SMIM8: variants seen among roughly 807,000 people sequenced by gnomAD.
The protein encoded by SMIM8 is UPF0708 protein C6orf162.
A neutral mutation model predicts 8.1 loss-of-function variants in SMIM8; 8 were observed. The ratio of observed to expected loss-of-function variants is 0.99; its 90% confidence interval spans 0.58 to 1.78. The LOEUF (loss-of-function observed/expected upper bound fraction) is 1.78, where lower values mean the gene tolerates loss of function less well. Among genes scored for constraint, SMIM8 ranks in the 40% most tolerant of loss-of-function variants. The pLI is 0.00. For missense variants in SMIM8, 126 were observed against 119.8 expected, an observed-to-expected ratio of 1.05 and a Z score of -0.24; for synonymous variants, 45 against 39.7, an observed-to-expected ratio of 1.13 and a Z score of -0.50.
At chr6:87,333,273 C>T (rs986208386) in intron 2 of SMIM8, among the ~76,000 whole-genome samples, 1 of 152,142 alleles carries the variant, frequency 6.6e-6, no homozygotes, top group Non-Finnish European at 1.5e-5. Flanking sequence ...CCCCACGCTC[C>T]CCGAGGAAGG....
intron 1 of SMIM8, among the ~76,000 whole-genome samples, chr6:87,329,544 G>C (rs1776940847): frequency 6.6e-6 from 1 of 152,166 alleles, no homozygotes. Flanking sequence ...ACCCGCTTCG[G>C]CCTCCCAGAG....
intron 1 of SMIM8, among the ~76,000 whole-genome samples, chr6:87,328,064 G>T (rs1776878547): frequency 1.3e-5 from 2 of 152,118 alleles, no homozygotes; most frequent in South Asian, 4.1e-4. Flanking sequence ...TGAGGCTTCT[G>T]CATTCTTCAC....
chr6:87,325,658 T>A (rs1270887793), intron 1 of SMIM8, among the ~76,000 whole-genome samples: 3 of 151,718 alleles, frequency 2.0e-5, no homozygotes, highest in African/African-American at 7.3e-5. Context: ...TGCTGCTGGA[T>A]TCCGTTTGCC....
intron 2 of SMIM8, 134 bp downstream of exon 2, chr6:87,330,846 A>G (rs1174636850): frequency 3.3e-5 from 5 of 152,032 alleles, no homozygotes. Flanking sequence ...CAGTTTCTTA[A>G]TCATGCATGG....
intron 1 of SMIM8, among the ~76,000 whole-genome samples, chr6:87,329,812 T>C (rs1381212052): frequency 6.6e-6 from 1 of 152,136 alleles, no homozygotes; most frequent in Non-Finnish European, 1.5e-5. Flanking sequence ...GGACATCTCC[T>C]TGGGTCTGGG....
At chr6:87,329,592 G>T (rs552871703) in intron 1 of SMIM8, among the ~76,000 whole-genome samples, 64 of 152,236 alleles carry the variant, frequency 4.2e-4, no homozygotes, top group African/African-American at 1.5e-3. Context: ...TGCCCGGCAG[G>T]AAAGATACTT....
Position 87,340,422 on chromosome 6 carries a change from A to G in SMIM8, c.*148A>G. The G allele has an allele frequency of 5.4e-6, 4 of 746,732 alleles. No individual in the cohort carries two copies. Among genetic ancestry groups the G allele is most frequent in the Non-Finnish European group, 7.4e-6 (4 of 541,860 alleles). 46.3% of individuals were successfully genotyped at this position (746,732 alleles called of 1,614,324 possible). ...AGTTGCAACCAGACAACTGTCGTAA[A>G]TTTTGTCCTTTCACAGCTGCAGCCA... On this transcript the variant is annotated 3_prime_UTR_variant, in exon 4 of 4. Coordinates refer to ENST00000392863, the MANE Select transcript of SMIM8 (RefSeq NM_001042493.3).
At chr6:87,336,560 TAGG>T (rs1777117376) in intron 2 of SMIM8, among the ~76,000 whole-genome samples, 1 of 152,076 alleles carries the variant, frequency 6.6e-6, no homozygotes, top group Non-Finnish European at 1.5e-5. Context: ...AGTGAATCTG[TAGG>T]AGAAGATAAT....
intron 1 of SMIM8, among the ~76,000 whole-genome samples, chr6:87,323,431 C>A (rs1428554099): frequency 8.6e-6 from 1 of 116,816 alleles, no homozygotes; most frequent in African/African-American, 3.3e-5. Context: ...CCCCTCCCCC[C>A]ACCCCACAAC....
At chr6:87,323,459 G>A (rs1487622926) in intron 1 of SMIM8, among the ~76,000 whole-genome samples, 1 of 125,658 alleles carries the variant, frequency 8.0e-6, no homozygotes, top group Non-Finnish European at 1.5e-5. Context: ...AGAGTGTGAT[G>A]TTCCCCTTCC....
chr6:87,327,213 CTT>C lies in SMIM8; in HGVS notation c.-44-3477_-44-3476del, dbSNP rs1210172082. Among the ~76,000 whole-genome samples, 42 of 147,864 alleles carry C rather than the reference CTT, an allele frequency of 2.8e-4. No homozygotes were observed. The South Asian group carries it at 8.2e-3, about 29-fold the overall frequency. On this transcript the variant is annotated intron_variant, in intron 1 of 3. Coordinates refer to ENST00000392863, the MANE Select transcript of SMIM8 (RefSeq NM_001042493.3). ...TACAGCACACTGATGGGTCTTGACT[CTT>C]TATCCAATTTGCCAGTCTGTGTCTT...
chr6:87,337,995 T>C (rs1402753748), intron 3 of SMIM8, among the ~76,000 whole-genome samples: 2 of 152,186 alleles, frequency 1.3e-5, no homozygotes, highest in Admixed American at 6.5e-5. Flanking sequence ...AAATAAAATA[T>C]GATAAATATT....
intron 1 of SMIM8, among the ~76,000 whole-genome samples, chr6:87,328,938 G>A (rs986633709): frequency 1.3e-5 from 2 of 152,222 alleles, no homozygotes; most frequent in African/African-American, 4.8e-5. Flanking sequence ...AACCACGTGC[G>A]GGATATAATC....
At chr6:87,330,560 C>T (rs1582092160) in intron 1 of SMIM8, 132 bp from the exon 2 acceptor site, 1 of 152,044 alleles carries the variant, frequency 6.6e-6, no homozygotes, top group Non-Finnish European at 1.5e-5. Flanking sequence ...CAGCCTCTCA[C>T]ATTGTGTGTT....
intron 2 of SMIM8, among the ~76,000 whole-genome samples, chr6:87,336,302 T>C (rs765803879): frequency 5.3e-5 from 8 of 152,172 alleles, no homozygotes; most frequent in Non-Finnish European, 8.8e-5. Context: ...CCCAAAGTGC[T>C]GACATTTCAG....
chr6:87,332,432 A>G (rs1422819716), intron 2 of SMIM8, among the ~76,000 whole-genome samples: 2 of 149,422 alleles, frequency 1.3e-5, no homozygotes, highest in African/African-American at 2.4e-5. Flanking sequence ...AATTATATAC[A>G]GTATATAATT....
At chr6:87,335,356 C>G (rs950228172) in intron 2 of SMIM8, among the ~76,000 whole-genome samples, 1 of 152,092 alleles carries the variant, frequency 6.6e-6, no homozygotes, top group African/African-American at 2.4e-5. Context: ...CCTGAAGTTG[C>G]TACAGGAGTG....
Position 87,332,320 on chromosome 6 carries a change from C to CATATATATATATATATATAT in SMIM8, c.-24+1614_-24+1615insATATATATATATATATATAT, listed in dbSNP as rs1209129014. On this transcript the variant is annotated intron_variant, in intron 2 of 3. Coordinates refer to ENST00000392863, the MANE Select transcript of SMIM8 (RefSeq NM_001042493.3). The stretch of plus-strand genomic sequence containing the variant: ...TCTTTCTCCTCCTCTCCTCCCCCCC[C>CATATATATATATATATATAT]ATATATGTATATATATATATATAAA... 2.5e-4 allele frequency among the ~76,000 whole-genome samples: 23 copies of CATATATATATATATATATAT among 93,096 alleles called. 1 individual carries two copies. Among genetic ancestry groups the CATATATATATATATATATAT allele is most frequent in the African/African-American group, 8.0e-4 (18 of 22,612 alleles). The allele number at this position is 93,096 out of a possible 152,430, so 61.1% of individuals were successfully genotyped here.
chr6:87,333,991 G>GT (rs1206719696), intron 2 of SMIM8, among the ~76,000 whole-genome samples: 1 of 152,216 alleles, frequency 6.6e-6, no homozygotes, highest in African/African-American at 2.4e-5. Flanking sequence ...GAAGCTTTCA[G>GT]TTGTGGTGGA....
Sources: allele counts gnomAD v4.1 joint callset (sites outside exome capture counted in the v4.1 genomes callset), GRCh38; gene constraint gnomAD v4.1.1; transcripts MANE v1.5; gene names NCBI Gene and HGNC (gene_info 2026-07-23, HGNC 2026-07-21).